The following EPHA6 variants were observed in gnomAD, a reference collection of about 807,000 sequenced individuals.
The protein encoded by EPHA6 is EPH receptor A6.
Under a neutral mutation model 112.0 loss-of-function variants are expected in EPHA6, and 50 were observed. The ratio of observed to expected loss-of-function variants is 0.45; its 90% CI spans 0.36 to 0.56. The LOEUF (loss-of-function observed/expected upper bound fraction) is 0.56. EPHA6 is among the 20% of genes least tolerant of loss of function. The pLI is 0.00. For missense variants in EPHA6, 1,280 were observed against 1,417.4 expected (o/e 0.90, Z 1.56); for synonymous variants, 529 against 490.7 (o/e 1.08, Z -1.03).
At chr3:97,299,030 T>C (rs2080985470) in intron 5 of EPHA6, among the ~76,000 whole-genome samples, 1 of 152,228 alleles carries the variant, frequency 6.6e-6, no homozygotes, top group Admixed American at 6.5e-5. Flanking sequence ...AATATGCATT[T>C]TTAAAACACT....
chr3:97,136,061 A>G (rs1481351828), intron 3 of EPHA6, among the ~76,000 whole-genome samples: 1 of 152,216 alleles, frequency 6.6e-6, no homozygotes, highest in Non-Finnish European at 1.5e-5. Flanking sequence ...AGGAGGTTAA[A>G]GTGATCTCAA....
chr3:96,824,700 G>A (rs1217333373), intron 1 of EPHA6, among the ~76,000 whole-genome samples: 2 of 151,992 alleles, frequency 1.3e-5, no homozygotes, highest in South Asian at 2.1e-4. Flanking sequence ...GTATTCAGCT[G>A]TACAGTTGGT....
intron 14 of EPHA6, among the ~76,000 whole-genome samples, chr3:97,694,999 G>A (rs189433018): frequency 1.3e-3 from 204 of 152,228 alleles, no homozygotes; most frequent in African/African-American, 4.8e-3. Context: ...TTTTTCCTGA[G>A]GAAGTCTTGC....
At chr3:96,974,986 C>G (rs1275593447) in intron 2 of EPHA6, among the ~76,000 whole-genome samples, 1 of 152,062 alleles carries the variant, frequency 6.6e-6, no homozygotes, top group African/African-American at 2.4e-5. Flanking sequence ...ACAGGAAGCA[C>G]TATGTTTTGG....
chr3:97,164,860 A>G (rs1390621647), intron 3 of EPHA6, among the ~76,000 whole-genome samples: 1 of 151,796 alleles, frequency 6.6e-6, no homozygotes, highest in East Asian at 1.9e-4. Context: ...GGTCTTATTA[A>G]CTCTTTCTGG....
At position 97,171,563 on chromosome 3, in the gene EPHA6, C is replaced by T. The variant is rs186597628; in HGVS notation, c.1115-54701C>T. On this transcript the variant is annotated intron_variant, in intron 3 of 17. Coordinates refer to ENST00000389672, the MANE Select transcript of EPHA6 (RefSeq NM_001080448.3). ...AAAGATAGAACCATCTTAGAAGTGA[C>T]ATGATTTCTGGGTAAGTTTGGAACC... Among the ~76,000 whole-genome samples the T allele has an allele frequency of 3.4e-4, 51 of 152,136 alleles. No homozygotes were observed. The East Asian group carries it at 7.5e-3, about 22-fold the overall frequency.
chr3:96,956,616 A>G (rs1461936653), intron 2 of EPHA6, among the ~76,000 whole-genome samples: 8 of 152,246 alleles, frequency 5.3e-5, no homozygotes. Flanking sequence ...GACATTTTAC[A>G]AAGATCAGGA....
chr3:96,991,248 C>T (rs928259582), intron 3 of EPHA6, among the ~76,000 whole-genome samples: 2 of 152,126 alleles, frequency 1.3e-5, no homozygotes, highest in African/African-American at 4.8e-5. Context: ...TTCTGTTATT[C>T]ATTGCTATGA....
intron 13 of EPHA6, among the ~76,000 whole-genome samples, chr3:97,617,002 A>G (rs1279308750): frequency 1.3e-5 from 2 of 152,058 alleles, no homozygotes; most frequent in African/African-American, 2.4e-5. Context: ...AGGTCAAAAT[A>G]CAGGAAAAAA....
At chr3:97,584,671 G>A (rs1012309691) in intron 11 of EPHA6, among the ~76,000 whole-genome samples, 5 of 152,250 alleles carry the variant, frequency 3.3e-5, no homozygotes, top group South Asian at 4.1e-4. Flanking sequence ...TGTCAAGCAC[G>A]TTTTGACATG....
chr3:97,639,562 C>G (rs1385411120), intron 14 of EPHA6, among the ~76,000 whole-genome samples: 1 of 152,068 alleles, frequency 6.6e-6, no homozygotes. Context: ...AATTACTACA[C>G]TCTTTGTGGC....
intron 14 of EPHA6, among the ~76,000 whole-genome samples, chr3:97,639,662 C>T (rs2093983616): frequency 6.6e-6 from 1 of 152,008 alleles, no homozygotes; most frequent in African/African-American, 2.4e-5. Flanking sequence ...ATGTAATATA[C>T]TCATGAAATT....
intron 5 of EPHA6, among the ~76,000 whole-genome samples, chr3:97,365,068 A>G (rs114257283): frequency 6.6e-6 from 1 of 152,300 alleles, no homozygotes; most frequent in African/African-American, 2.4e-5. Flanking sequence ...GCTCTACTTG[A>G]TATACAGAAT....
intron 7 of EPHA6, among the ~76,000 whole-genome samples, chr3:97,449,463 T>C (rs559893237): frequency 1.3e-5 from 2 of 152,066 alleles, no homozygotes; most frequent in Non-Finnish European, 2.9e-5. Context: ...ACTGTATTAA[T>C]ATAATAATTC....
chr3:97,026,121 ATTTTTTTT>A (rs3038599), intron 3 of EPHA6, among the ~76,000 whole-genome samples: 1 of 116,028 alleles, frequency 8.6e-6, no homozygotes, highest in Non-Finnish European at 1.9e-5. Flanking sequence ...TATGTGTCTG[ATTTTTTTT>A]TTTTTTTTTT....
chr3:97,001,360 G>T (rs1024453052), intron 3 of EPHA6, among the ~76,000 whole-genome samples: 1 of 151,724 alleles, frequency 6.6e-6, no homozygotes, highest in South Asian at 2.1e-4. Flanking sequence ...ACATAAACTC[G>T]GATATAACTT....
At chr3:97,744,053 A>G (rs1175016116) in intron 16 of EPHA6, among the ~76,000 whole-genome samples, 1 of 151,978 alleles carries the variant, frequency 6.6e-6, no homozygotes, top group African/African-American at 2.4e-5. Flanking sequence ...TTGAAATTTT[A>G]TATTTATTAC....
chr3:97,589,384 G>T (rs2093522090), intron 11 of EPHA6, among the ~76,000 whole-genome samples: 1 of 152,082 alleles, frequency 6.6e-6, no homozygotes, highest in South Asian at 2.1e-4. Flanking sequence ...CCAGAAGGAA[G>T]CATGCAGGCC....
intron 5 of EPHA6, among the ~76,000 whole-genome samples, chr3:97,374,694 T>C (rs2085248032): frequency 6.6e-6 from 1 of 152,114 alleles, no homozygotes; most frequent in Non-Finnish European, 1.5e-5. Context: ...GTCCCCAATG[T>C]CTATTATTCC....
Sources: gnomAD v4.1 joint callset for allele counts (sites outside exome capture counted in the v4.1 genomes callset) on GRCh38, gnomAD v4.1.1 for gene constraint, MANE v1.5 for transcripts, NCBI Gene and HGNC (gene_info 2026-07-23, HGNC 2026-07-21) for gene names.